VPS13D: variants seen among roughly 807,000 people sequenced by gnomAD.
The protein encoded by VPS13D is vacuolar protein sorting 13 homolog D.
A neutral mutation model predicts 461.9 loss-of-function variants in VPS13D; 187 were observed. That is an observed-to-expected ratio of 0.40 (90% CI 0.36 to 0.46). The LOEUF (loss-of-function observed/expected upper bound fraction) is 0.46, where lower values mean the gene tolerates loss of function less well. VPS13D is among the 20% of genes least tolerant of loss of function. VPS13D has a pLI of 0.60. For missense variants in VPS13D, 4,711 were observed against 5,364.9 expected, an observed-to-expected ratio of 0.88 and a Z score of 3.81; for synonymous variants, 1,951 against 1,986.3, an observed-to-expected ratio of 0.98 and a Z score of 0.47.
chr1:12,316,920 A>G (rs1642901577), intron 30 of VPS13D, among the ~76,000 whole-genome samples: 1 of 152,078 alleles, frequency 6.6e-6, no homozygotes. Flanking sequence ...TGACTGCATC[A>G]TGGTTTGAAG....
chr1:12,498,663 C>T (rs1211772154), intron 68 of VPS13D, among the ~76,000 whole-genome samples: 1 of 152,166 alleles, frequency 6.6e-6, no homozygotes, highest in Non-Finnish European at 1.5e-5. Flanking sequence ...GGCTGGGCAG[C>T]TTAAGCAACA....
intron 65 of VPS13D, among the ~76,000 whole-genome samples, chr1:12,427,716 T>C (rs973127003): frequency 3.9e-5 from 6 of 152,174 alleles, no homozygotes; most frequent in African/African-American, 7.2e-5. Flanking sequence ...GATGGTGTCT[T>C]CTGCATGTCC....
chr1:12,295,205 A>G (rs1308849013), intron 24 of VPS13D, among the ~76,000 whole-genome samples: 1 of 147,610 alleles, frequency 6.8e-6, no homozygotes, highest in African/African-American at 2.5e-5. Flanking sequence ...AGCCTTGGTG[A>G]CAGAGCCACC....
At chr1:12,347,588 C>G (rs1643703443) in intron 44 of VPS13D, among the ~76,000 whole-genome samples, 1 of 151,676 alleles carries the variant, frequency 6.6e-6, no homozygotes, top group Non-Finnish European at 1.5e-5. Context: ...TAAAAACACT[C>G]TAGAAAATTG....
At chr1:12,504,136 G>A (rs553338484) in intron 68 of VPS13D, among the ~76,000 whole-genome samples, 1 of 152,118 alleles carries the variant, frequency 6.6e-6, no homozygotes, top group Admixed American at 6.5e-5. Context: ...GTGTTTGGCA[G>A]ATTTTGTAAA....
intron 57 of VPS13D, among the ~76,000 whole-genome samples, chr1:12,379,911 G>C (rs1369181524): frequency 6.6e-6 from 1 of 152,018 alleles, no homozygotes; most frequent in South Asian, 2.1e-4. Flanking sequence ...TGGGACTACA[G>C]GTGCCCGCCA....
intron 27 of VPS13D, among the ~76,000 whole-genome samples, chr1:12,310,857 TTCCTTCCC>T (rs1360748993): frequency 0.032 from 2,283 of 71,900 alleles, 35 homozygotes; most frequent in Non-Finnish European, 0.045. Flanking sequence ...CCCTCCTTCC[TTCCTTCCC>T]TCCTTCCCTC....
chr1:12,481,017 C>A (rs1470012929), intron 67 of VPS13D, among the ~76,000 whole-genome samples: 4 of 152,230 alleles, frequency 2.6e-5, no homozygotes, highest in Non-Finnish European at 5.9e-5. Context: ...TTGGAAGACA[C>A]AGGCACCTGC....
chr1:12,486,550 C>T (rs1458971762), intron 67 of VPS13D, among the ~76,000 whole-genome samples: 1 of 152,188 alleles, frequency 6.6e-6, no homozygotes, highest in African/African-American at 2.4e-5. Flanking sequence ...TGGAAAAGTG[C>T]AGACGGTGCA....
At chr1:12,245,741 A>G (rs966879615) in intron 5 of VPS13D, among the ~76,000 whole-genome samples, 1 of 151,996 alleles carries the variant, frequency 6.6e-6, no homozygotes. Context: ...TAAAAAAAAA[A>G]TAATAATTTA....
At chr1:12,501,688 A>G (rs1306776341) in intron 68 of VPS13D, among the ~76,000 whole-genome samples, 1 of 152,248 alleles carries the variant, frequency 6.6e-6, no homozygotes, top group African/African-American at 2.4e-5. Flanking sequence ...CTCTGTCCTC[A>G]GTGCGTTCAC....
At chr1:12,246,338 C>T (rs907136635) in intron 5 of VPS13D, among the ~76,000 whole-genome samples, 7 of 152,064 alleles carry the variant, frequency 4.6e-5, no homozygotes, top group Admixed American at 1.3e-4. Context: ...AGATACAGGT[C>T]GAGTATCCCA....
rs947013854 is a variant in VPS13D, at chr1:12,300,538, G to A, written c.6216+1154G>A. 3.3e-5 allele frequency among the ~76,000 whole-genome samples: 5 copies of A among 152,190 alleles called. No individual in the cohort carries two copies. The East Asian group carries it at 7.7e-4, about 23-fold the overall frequency. On this transcript the variant is annotated intron_variant, in intron 25 of 69. Transcript: ENST00000620676. ...TGCTTTTCTGTTCCTGCATTAATTC[G>A]CTTAGGATTATGGCTTCCAGCTCCA...
At chr1:12,437,179 G>C (rs2100326840) in intron 65 of VPS13D, among the ~76,000 whole-genome samples, 2 of 152,270 alleles carry the variant, frequency 1.3e-5, no homozygotes. Flanking sequence ...TTACCAAACT[G>C]TTCTTTCTGA....
chr1:12,373,872 C>T lies in VPS13D; in HGVS notation c.10917+14C>T. ...TTAAAAAAGAAGGTAAGAGAGCTTA[C>T]AATCAGAGTTTAGAATACAAGGTTT... is the stretch of plus-strand genomic sequence containing the variant. On this transcript the variant is annotated intron_variant, in intron 55 of 69. Coordinates refer to ENST00000620676, the MANE Select transcript of VPS13D (RefSeq NM_015378.4). 2.5e-6 allele frequency: 4 copies of T among 1,591,598 alleles called. No homozygotes were observed. Among genetic ancestry groups the T allele is most frequent in the Non-Finnish European group, 3.4e-6 (4 of 1,165,028 alleles).
chr1:12,396,545 G>A lies in VPS13D; in HGVS notation c.11635-3636G>A, dbSNP rs117860545. On this transcript the variant is annotated intron_variant, in intron 60 of 69. Transcript: ENST00000620676. Reference sequence around the variant, plus strand: ...AAATATGTTCAGGAAACTAGTTCCTGGTAGACATTTCCAGAAGAAGAATCC... The same window carrying A: ...AAATATGTTCAGGAAACTAGTTCCTAGTAGACATTTCCAGAAGAAGAATCC... 1.8e-4 allele frequency among the ~76,000 whole-genome samples: 27 copies of A among 152,200 alleles called. No individual in the cohort carries two copies. In the East Asian group the frequency reaches 5.2e-3, roughly 29 times the overall value.
chr1:12,401,745 C>G, intron 62 of VPS13D, 41 bp downstream of exon 62: 1 of 1,537,054 alleles, frequency 6.5e-7, no homozygotes, highest in South Asian at 1.1e-5. Flanking sequence ...GGAATTGGTC[C>G]AAAGATGGTA....
chr1:12,489,751 T>G (rs930805388), intron 67 of VPS13D, among the ~76,000 whole-genome samples: 3 of 152,216 alleles, frequency 2.0e-5, no homozygotes, highest in African/African-American at 7.2e-5. Flanking sequence ...ATCGAGTGCC[T>G]ATTATGTGCT....
At position 12,339,453 on chromosome 1, in the gene VPS13D, A is replaced by T. The variant is rs1569947811; in HGVS notation, c.8626+1148A>T. On this transcript the variant is annotated intron_variant, in intron 40 of 69. Coordinates refer to ENST00000620676, the MANE Select transcript of VPS13D (RefSeq NM_015378.4). The stretch of plus-strand genomic sequence containing the variant: ...AAAATTACTGTGTGAAACAAGTCCG[A>T]AGGGGTAGAAATTTCCTTAGCTGGA... Among the ~76,000 whole-genome samples the T allele has an allele frequency of 2.0e-5, 3 of 152,198 alleles. No individual in the cohort carries two copies. In the South Asian group the frequency reaches 6.2e-4, roughly 31 times the overall value.
Sources: gnomAD v4.1 joint callset for allele counts (sites outside exome capture counted in the v4.1 genomes callset) on GRCh38, gnomAD v4.1.1 for gene constraint, MANE v1.5 for transcripts, NCBI Gene and HGNC (gene_info 2026-07-23, HGNC 2026-07-21) for gene names.